The following TSPAN11 variants were observed in gnomAD, a reference collection of about 807,000 sequenced individuals.
The protein encoded by TSPAN11 is tetraspanin 11.
TSPAN11 carries 29 observed loss-of-function variants against 32.9 expected under a neutral mutation model. The ratio of observed to expected loss-of-function variants is 0.88; its 90% confidence interval spans 0.66 to 1.20. The LOEUF (loss-of-function observed/expected upper bound fraction) is 1.20. Among genes scored for constraint, TSPAN11 ranks in the 50% most tolerant of loss-of-function variants. TSPAN11 has a pLI of 0.00. For synonymous variants in TSPAN11, 140 were observed against 141.3 expected (o/e 0.99, Z 0.07); for missense variants, 283 against 329.1 (o/e 0.86, Z 1.08).
At chr12:31,011,372 CA>C in the TSPAN11 span, among the ~76,000 whole-genome samples, 1 of 152,208 alleles carries the variant, frequency 6.6e-6, no homozygotes, top group Non-Finnish European at 1.5e-5. Context: ...AAGTCAAGAT[CA>C]GGGGTGCCGC....
chr12:30,941,103 C>G (rs547319273), intron 1 of TSPAN11, among the ~76,000 whole-genome samples: 24 of 152,320 alleles, frequency 1.6e-4, no homozygotes, highest in African/African-American at 5.8e-4. Flanking sequence ...GATCCTTGAA[C>G]AGCATGTGTT....
chr12:30,933,284 C>A (rs1937971655), intron 1 of TSPAN11, among the ~76,000 whole-genome samples: 1 of 152,188 alleles, frequency 6.6e-6, no homozygotes, highest in African/African-American at 2.4e-5. Flanking sequence ...GCACAAGGTC[C>A]CCCAGCCAGT....
intron 1 of TSPAN11, among the ~76,000 whole-genome samples, chr12:30,944,454 T>G (rs1423033345): frequency 6.6e-6 from 1 of 152,196 alleles, no homozygotes; most frequent in South Asian, 2.1e-4. Context: ...AGATTTCACA[T>G]GTGAGTAAGA....
At chr12:30,933,667 C>CAGTGGTTGCAGCTCT (rs1283326576) in intron 1 of TSPAN11, among the ~76,000 whole-genome samples, 1 of 152,138 alleles carries the variant, frequency 6.6e-6, no homozygotes, top group Admixed American at 6.5e-5. Flanking sequence ...GTCAAGCAAA[C>CAGTGGTTGCAGCTCT]AGTGGTTGCA....
At chr12:30,935,439 A>C in intron 1 of TSPAN11, among the ~76,000 whole-genome samples, 1 of 142,010 alleles carries the variant, frequency 7.0e-6, no homozygotes, top group Non-Finnish European at 1.5e-5. Flanking sequence ...GCTGGAGTGC[A>C]ATGGCGTGAC....
chr12:30,985,203 G>C (rs1360607296), intron 7 of TSPAN11, among the ~76,000 whole-genome samples: 1 of 152,078 alleles, frequency 6.6e-6, no homozygotes, highest in Admixed American at 6.6e-5. Context: ...CCTAGGGCCA[G>C]TTCTTTCATC....
At chr12:31,016,097 C>T in the TSPAN11 span, among the ~76,000 whole-genome samples, 68 of 152,270 alleles carry the variant, frequency 4.5e-4, no homozygotes, top group African/African-American at 1.6e-3. Flanking sequence ...GGCAACATAA[C>T]GAGACCACGT....
At chr12:30,970,172 CAG>C (rs1938818928) in intron 3 of TSPAN11, among the ~76,000 whole-genome samples, 5 of 152,204 alleles carry the variant, frequency 3.3e-5, no homozygotes, top group Non-Finnish European at 5.9e-5. Context: ...TTCCTCATGC[CAG>C]AATCCGCTGA....
At chr12:30,939,436 T>C (rs1276981798) in intron 1 of TSPAN11, among the ~76,000 whole-genome samples, 1 of 152,142 alleles carries the variant, frequency 6.6e-6, no homozygotes, top group East Asian at 1.9e-4. Flanking sequence ...CCTGTCTTCA[T>C]AACTAGGAAA....
chr12:30,965,599 G>C (rs950843843), intron 3 of TSPAN11, among the ~76,000 whole-genome samples: 1 of 152,236 alleles, frequency 6.6e-6, no homozygotes, highest in Non-Finnish European at 1.5e-5. Flanking sequence ...CTATTCACTA[G>C]AGCCACCTCC....
At chr12:30,977,296 G>GCCAC (rs1938994299) in intron 3 of TSPAN11, among the ~76,000 whole-genome samples, 1 of 152,054 alleles carries the variant, frequency 6.6e-6, no homozygotes, top group Non-Finnish European at 1.5e-5. Context: ...CCCCCGCTCC[G>GCCAC]CCGCCACCCG....
At position 30,983,139 on chromosome 12, in the gene TSPAN11, G is replaced by A. The variant is rs1264105296; in HGVS notation, c.691G>A (p.Ala231Thr). ...TATGGGGGCAGTGGGCATCGGGGTG[G>A]CCTGCCTGCAGGTGAGTTGCAGTGC... is the stretch of plus-strand genomic sequence containing the variant. ...LLMGAVGIGV[A>T]CLQICGMVLT... Residue 231 changes from alanine (A) to threonine (T), a missense_variant, in exon 7 of 8, where the codon GCC (alanine) becomes ACC (threonine). Transcript: ENST00000546076. 2 of 1,612,078 alleles carry A rather than the reference G, an allele frequency of 1.2e-6. No homozygotes were observed. The highest frequency in any genetic ancestry group is 1.3e-5 in the African/African-American group (1 of 74,920).
At chr12:30,961,129 T>G (rs568156931) in intron 2 of TSPAN11, among the ~76,000 whole-genome samples, 3 of 151,762 alleles carry the variant, frequency 2.0e-5, no homozygotes, top group Non-Finnish European at 4.4e-5. Context: ...ATGCCAATGG[T>G]TGTTGAATAG....
chr12:30,963,981 TG>T lies in TSPAN11; in HGVS notation c.241del (p.Ala81ProfsTer38). On this transcript the variant is annotated frameshift_variant, in exon 3 of 8. Transcript: ENST00000546076. LOFTEE classifies it high-confidence loss of function. ...TGGTGACCGGCTTCCTGGGCTTCGG[TG>T]CCATCCTCTGGGAGCGGAAGGGCTG... ...VMVTGFLGFG[A>X]ILWERKGCLS... is the part of the protein sequence containing the mutation. The T allele has an allele frequency of 1.2e-6, 2 of 1,614,000 alleles. No homozygotes were observed. Among genetic ancestry groups the T allele is most frequent in the Non-Finnish European group, 1.7e-6 (2 of 1,180,024 alleles).
Position 30,979,570 on chromosome 12 carries a change from G to T in TSPAN11, c.356G>T (p.Ser119Ile). 1.2e-6 allele frequency: 2 copies of T among 1,614,210 alleles called. No individual in the cohort carries two copies. The highest frequency in any genetic ancestry group is 8.5e-7 in the Non-Finnish European group (1 of 1,180,036). ...VLAHVYYQRL[S>I]DELKQHLNRT... is the part of the protein sequence containing the mutation. The stretch of plus-strand genomic sequence containing the variant: ...CTTCGCTCCTACCCTCCTCAGCTGA[G>T]TGATGAACTGAAGCAGCACTTGAAC... Residue 119 changes from serine (S) to isoleucine (I), a missense_variant, in exon 5 of 8, where the codon AGT (serine) becomes ATT (isoleucine). By Grantham distance (142) the Ser-to-Ile change is moderately radical. Transcript: ENST00000546076.
intron 1 of TSPAN11, among the ~76,000 whole-genome samples, chr12:30,932,792 T>A (rs1937960312): frequency 1.3e-5 from 2 of 152,230 alleles, no homozygotes; most frequent in Non-Finnish European, 2.9e-5. Context: ...TACGCCATGG[T>A]ATCCTGTTTC....
At chr12:30,930,264 A>G (rs1375959570) in intron 1 of TSPAN11, among the ~76,000 whole-genome samples, 1 of 152,176 alleles carries the variant, frequency 6.6e-6, no homozygotes, top group African/African-American at 2.4e-5. Flanking sequence ...CCTCCAGGCT[A>G]TGAGACATGC....
In TSPAN11 at chr12:30,979,584, C is replaced by T. The variant is rs1042489313; in HGVS notation, c.370C>T (p.Gln124Ter). The T allele has an allele frequency of 6.2e-7, 1 of 1,614,190 alleles. No individual in the cohort carries two copies. Among genetic ancestry groups the T allele is most frequent in the Non-Finnish European group, 8.5e-7 (1 of 1,180,038 alleles). ...YYQRLSDELK[Q>*]HLNRTLAENY... ...TCCTCAGCTGAGTGATGAACTGAAG[C>T]AGCACTTGAACCGGACTCTGGCTGA... The change falls in exon 5 of 8, where the codon CAG becomes TAG. Residue 124 changes from glutamine to a stop codon, truncating the protein, a stop_gained. Coordinates refer to ENST00000546076, the MANE Select transcript of TSPAN11 (RefSeq NM_001370302.1). LOFTEE classifies it high-confidence loss of function.
At chr12:30,980,867 T>C (rs1379774054) in intron 5 of TSPAN11, among the ~76,000 whole-genome samples, 2 of 152,116 alleles carry the variant, frequency 1.3e-5, no homozygotes, top group Non-Finnish European at 2.9e-5. Context: ...AAGTGTGCAC[T>C]CCACTCACTG....
Sources: gnomAD v4.1 joint callset for allele counts (sites outside exome capture counted in the v4.1 genomes callset) on GRCh38, gnomAD v4.1.1 for gene constraint, MANE v1.5 for transcripts, NCBI Gene and HGNC (gene_info 2026-07-23, HGNC 2026-07-21) for gene names.